Variants in TENM2 observed in about 807,000 individuals in gnomAD.
TENM2 encodes the protein teneurin-2.
TENM2 carries 52 observed loss-of-function variants against 245.2 expected under a neutral mutation model. The observed-to-expected ratio is 0.21, with a 90% CI of 0.17 to 0.27. The LOEUF is 0.27. TENM2 is among the 10% of genes least tolerant of loss of function. The probability of loss-of-function intolerance (pLI) is 1.00; values close to 1 mark genes in which losing one functional copy is unlikely to be tolerated. For synonymous variants in TENM2, 1,363 were observed against 1,438.9 expected (o/e 0.95, Z 1.19); for missense variants, 3,046 against 3,666.8 (o/e 0.83, Z 4.37).
the TENM2 span, among the ~76,000 whole-genome samples, chr5:167,097,643 C>T: frequency 6.6e-6 from 1 of 152,124 alleles, no homozygotes; most frequent in African/African-American, 2.4e-5. Context: ...TAAGACAGTG[C>T]TTTTTGGCAG....
intron 10 of TENM2, among the ~76,000 whole-genome samples, chr5:168,120,142 A>G (rs1347973683): frequency 6.6e-6 from 1 of 152,208 alleles, no homozygotes; most frequent in Non-Finnish European, 1.5e-5. Flanking sequence ...CAGCTTCCAT[A>G]ACATTATTCC....
chr5:168,074,758 C>A (rs182998906), intron 7 of TENM2, among the ~76,000 whole-genome samples: 1 of 152,182 alleles, frequency 6.6e-6, no homozygotes, highest in South Asian at 2.1e-4. Flanking sequence ...GTCTTCTCTT[C>A]CTGGAATCAT....
chr5:168,004,338 T>C (rs901822298), intron 5 of TENM2, among the ~76,000 whole-genome samples: 5 of 152,170 alleles, frequency 3.3e-5, no homozygotes, highest in Non-Finnish European at 7.4e-5. Context: ...ATTCTGTGGA[T>C]TTATGAACTG....
intron 3 of TENM2, among the ~76,000 whole-genome samples, chr5:167,893,313 G>C (rs74960537): frequency 0.025 from 3,831 of 152,260 alleles, 105 homozygotes; most frequent in African/African-American, 0.065. Context: ...AAATTGGTCA[G>C]ACCAGTTCAA....
At chr5:168,090,221 CA>C (rs1792811944) in intron 7 of TENM2, among the ~76,000 whole-genome samples, 3 of 66,622 alleles carry the variant, frequency 4.5e-5, no homozygotes, top group African/African-American at 2.0e-4. Context: ...CCCCCCACCA[CA>C]CACACACACA....
chr5:167,731,639 G>T (rs1013629079), intron 2 of TENM2, among the ~76,000 whole-genome samples: 1 of 146,584 alleles, frequency 6.8e-6, no homozygotes, highest in African/African-American at 2.5e-5. Flanking sequence ...AGTGTGTTTG[G>T]TCTAATTGAA....
intron 2 of TENM2, among the ~76,000 whole-genome samples, chr5:167,562,556 T>C (rs1773661034): frequency 6.6e-6 from 1 of 152,196 alleles, no homozygotes; most frequent in Non-Finnish European, 1.5e-5. Context: ...GAGGCCACGC[T>C]GCCAGCCTAG....
At chr5:167,782,566 C>T (rs1052309927) in intron 2 of TENM2, among the ~76,000 whole-genome samples, 14 of 152,002 alleles carry the variant, frequency 9.2e-5, no homozygotes, top group East Asian at 5.8e-4. Context: ...CAGCTCTTTG[C>T]GTCACACTGT....
At chr5:167,958,212 C>G (rs1583485783) in intron 4 of TENM2, among the ~76,000 whole-genome samples, 1 of 152,260 alleles carries the variant, frequency 6.6e-6, no homozygotes, top group East Asian at 1.9e-4. Context: ...GCTTTGATCC[C>G]TTTACCATTA....
intron 2 of TENM2, among the ~76,000 whole-genome samples, chr5:167,543,475 T>C (rs1382373617): frequency 6.6e-6 from 1 of 152,162 alleles, no homozygotes; most frequent in Non-Finnish European, 1.5e-5. Flanking sequence ...CAACCTTCCA[T>C]ACTGAGTAAT....
intron 2 of TENM2, among the ~76,000 whole-genome samples, chr5:167,868,636 C>A (rs930152151): frequency 1.3e-5 from 2 of 149,094 alleles, no homozygotes; most frequent in Non-Finnish European, 3.0e-5. Context: ...ACTCAGGAGG[C>A]TGAGGCATGA....
intron 4 of TENM2, among the ~76,000 whole-genome samples, chr5:167,971,795 CA>C (rs1428703903): frequency 6.6e-6 from 1 of 152,202 alleles, no homozygotes; most frequent in Non-Finnish European, 1.5e-5. Context: ...CATTTGGCTG[CA>C]CAGAGGCAGA....
At chr5:168,205,325 A>G (rs1409810561) in intron 19 of TENM2, among the ~76,000 whole-genome samples, 1 of 152,162 alleles carries the variant, frequency 6.6e-6, no homozygotes, top group Non-Finnish European at 1.5e-5. Flanking sequence ...TAGAAAAAAA[A>G]AAAAAGTGGG....
chr5:167,726,402 C>T (rs768260789), intron 2 of TENM2, among the ~76,000 whole-genome samples: 4 of 152,138 alleles, frequency 2.6e-5, no homozygotes, highest in Non-Finnish European at 5.9e-5. Flanking sequence ...TTAGTTTTTG[C>T]ATGTGAATAG....
chr5:167,283,832 A>C (rs1771188290), upstream of TENM2, among the ~76,000 whole-genome samples: 1 of 152,218 alleles, frequency 6.6e-6, no homozygotes, highest in Admixed American at 6.5e-5. Flanking sequence ...ATATTTGCTA[A>C]GCAGAAGGCG....
chr5:168,098,278 G>A (rs547688619), intron 9 of TENM2, among the ~76,000 whole-genome samples, 151 bp downstream of exon 11: 2 of 152,144 alleles, frequency 1.3e-5, no homozygotes, highest in African/African-American at 4.8e-5. Flanking sequence ...ATAAGCCTTC[G>A]TAAAGAGTAG....
chr5:168,239,940 G>A (rs575053915), intron 25 of TENM2, among the ~76,000 whole-genome samples: 63 of 152,248 alleles, frequency 4.1e-4, no homozygotes, highest in African/African-American at 1.5e-3. Context: ...ATCCACAGCT[G>A]GGCACGGTGG....
intron 13 of TENM2, among the ~76,000 whole-genome samples, chr5:168,182,825 C>CTTTTTT (rs149579948): frequency 9.9e-6 from 1 of 100,680 alleles, no homozygotes; most frequent in Non-Finnish European, 1.9e-5. Context: ...TCAGGGTGCT[C>CTTTTTT]TTTTTTTTTT....
chr5:167,452,092 G>A (rs1765620277), intron 2 of TENM2, among the ~76,000 whole-genome samples: 1 of 152,150 alleles, frequency 6.6e-6, no homozygotes, highest in African/African-American at 2.4e-5. Flanking sequence ...ATAAATAATA[G>A]TGACTTATTA....
Sources: gnomAD v4.1 joint callset for allele counts (sites outside exome capture counted in the v4.1 genomes callset) on GRCh38, gnomAD v4.1.1 for gene constraint, MANE v1.5 for transcripts, NCBI Gene and HGNC (gene_info 2026-07-23, HGNC 2026-07-21) for gene names.